Variants in THNSL1 observed in about 807,000 individuals in gnomAD.
The protein encoded by THNSL1 is threonine synthase like 1, also known as threonine synthase-like 1.
A neutral mutation model predicts 50.4 loss-of-function variants in THNSL1; 48 were observed. That is an observed-to-expected ratio of 0.95 (90% CI 0.76 to 1.21). THNSL1 has a LOEUF of 1.21. Among genes scored for constraint, THNSL1 ranks in the 50% most tolerant of loss-of-function variants. THNSL1 has a pLI of 0.00. For synonymous variants in THNSL1, 309 were observed against 306.1 expected, an observed-to-expected ratio of 1.01 and a Z score of -0.10; for missense variants, 896 against 871.7, an observed-to-expected ratio of 1.03 and a Z score of -0.35.
At position 25,023,808 on chromosome 10, in the gene THNSL1, G is replaced by C. The variant is rs1453476310; in HGVS notation, c.585G>C (p.Lys195Asn). The C allele has an allele frequency of 6.2e-7, 1 of 1,614,208 alleles. No individual in the cohort carries two copies. The highest frequency in any genetic ancestry group is 8.5e-7 in the Non-Finnish European group (1 of 1,180,022). ...AATTTAGAAGACAGTATTATAAGAAGTGGTATGATGCTCGTGTTTTCTGTG... is the reference window on the plus strand; with the variant it reads ...AATTTAGAAGACAGTATTATAAGAACTGGTATGATGCTCGTGTTTTCTGTG... ...LLKFRRQYYKKWYDARVFCES... is the reference protein window; with the variant it reads ...LLKFRRQYYKNWYDARVFCES... The change falls in exon 3 of 3, where the codon AAG (lysine) becomes AAC (asparagine). Residue 195 changes from lysine (K) to asparagine (N), a missense_variant. Lys to Asn is a moderately conservative substitution (Grantham distance 94). Transcript: ENST00000376356.
the THNSL1 span, chr10:24,982,728 C>T: frequency 6.6e-6 from 1 of 152,156 alleles, no homozygotes; most frequent in African/African-American, 2.4e-5. Context: ...GTAGGGATCA[C>T]CTTTCCAGGA....
At chr10:24,952,886 T>C in the THNSL1 span, among the ~76,000 whole-genome samples, 1 of 151,642 alleles carries the variant, frequency 6.6e-6, no homozygotes, top group Non-Finnish European at 1.5e-5. The surrounding 1 kb of genome is among the most constrained non-coding windows in gnomAD (Gnocchi z 5.1). Flanking sequence ...CGCCGCCCCC[T>C]GCCGGATGGT....
rs937412462 is a variant in THNSL1, at chr10:25,024,411, T to A, written c.1188T>A (p.Asn396Lys). 1 of 1,613,920 alleles carries A rather than the reference T, an allele frequency of 6.2e-7. No individual in the cohort carries two copies. The highest frequency in any genetic ancestry group is 8.5e-7 in the Non-Finnish European group (1 of 1,180,012). The change falls in exon 3 of 3, where the codon AAT becomes AAA. Residue 396 changes from asparagine (N) to lysine (K), a missense_variant. Asn to Lys is a moderately conservative substitution (Grantham distance 94, BLOSUM62 0). Transcript: ENST00000376356. Reference protein sequence around the residue: ...VLNGFSRLNKNDKQRIAVVAF... With the variant: ...VLNGFSRLNKKDKQRIAVVAF... ...ATGGTTTTAGTCGTCTAAATAAGAATGATAAGCAAAGGATAGCTGTGGTTG... is the reference window on the plus strand; with the variant it reads ...ATGGTTTTAGTCGTCTAAATAAGAAAGATAAGCAAAGGATAGCTGTGGTTG...
In THNSL1 at chr10:25,025,206, T is replaced by G. The variant is rs746294581; in HGVS notation, c.1983T>G (p.Ile661Met). 1.2e-6 allele frequency: 2 copies of G among 1,614,208 alleles called. No individual in the cohort carries two copies. The highest frequency in any genetic ancestry group is 4.5e-5 in the East Asian group (2 of 44,878). The change falls in exon 3 of 3, where the codon ATT becomes ATG. Residue 661 changes from isoleucine to methionine, a missense_variant. Ile to Met is a conservative substitution (Grantham distance 10). Coordinates refer to ENST00000376356, the MANE Select transcript of THNSL1 (RefSeq NM_024838.5). ...TGCAAGACAAAACTTGCCCTGTGAT[T>G]ATCTCATCTACAGCCCATTACTCAA... ...DRVQDKTCPV[I>M]ISSTAHYSKF... is the part of the protein sequence containing the mutation.
upstream of THNSL1, chr10:25,015,724 G>T: frequency 2.6e-6 from 2 of 767,406 alleles, no homozygotes; most frequent in Non-Finnish European, 3.7e-6. Flanking sequence ...TCTCTAACAA[G>T]TTATCCTCCA....
the THNSL1 span, among the ~76,000 whole-genome samples, chr10:25,007,795 A>G: frequency 6.6e-5 from 10 of 152,054 alleles, no homozygotes; most frequent in Non-Finnish European, 1.5e-4. Flanking sequence ...GTAAATGCAT[A>G]TGGAAGCCAC....
At chr10:24,994,213 TTTTC>T in the THNSL1 span, among the ~76,000 whole-genome samples, 1 of 152,130 alleles carries the variant, frequency 6.6e-6, no homozygotes, top group African/African-American at 2.4e-5. Context: ...TCTTTTCTTT[TTTTC>T]TTTATCTCTC....
chr10:24,999,111 A>C, the THNSL1 span, among the ~76,000 whole-genome samples: 1 of 152,250 alleles, frequency 6.6e-6, no homozygotes, highest in South Asian at 2.1e-4. Flanking sequence ...CTTTTCCTAT[A>C]ATTGTTGTTT....
At chr10:24,954,220 C>T in the THNSL1 span, among the ~76,000 whole-genome samples, 1 of 152,136 alleles carries the variant, frequency 6.6e-6, no homozygotes, top group African/African-American at 2.4e-5. Flanking sequence ...GTTCACAAGA[C>T]TCTCCTGGGG....
the THNSL1 span, among the ~76,000 whole-genome samples, chr10:24,993,876 TG>T: frequency 6.6e-6 from 1 of 152,148 alleles, no homozygotes; most frequent in Non-Finnish European, 1.5e-5. Context: ...GGTGGTGGCA[TG>T]ACCAGTAAAG....
chr10:24,965,696 GT>G, the THNSL1 span, among the ~76,000 whole-genome samples: 1 of 152,162 alleles, frequency 6.6e-6, no homozygotes, highest in Non-Finnish European at 1.5e-5. Context: ...AGCAGCTCTA[GT>G]TATTGAAAAG....
At chr10:25,014,434 A>C (rs184886670), upstream of THNSL1, among the ~76,000 whole-genome samples, 1 of 152,332 alleles carries the variant, frequency 6.6e-6, no homozygotes, top group Admixed American at 6.5e-5. Context: ...CACCAAGAAC[A>C]GATATACTAG....
chr10:24,957,604 C>A, the THNSL1 span, among the ~76,000 whole-genome samples: 5 of 152,160 alleles, frequency 3.3e-5, no homozygotes, highest in Non-Finnish European at 7.3e-5. Flanking sequence ...CCTCAGCCTC[C>A]CAAGTAGCTG....
chr10:24,964,553 C>T, the THNSL1 span, among the ~76,000 whole-genome samples: 2 of 152,150 alleles, frequency 1.3e-5, no homozygotes, highest in African/African-American at 2.4e-5. Context: ...CAATCATTTC[C>T]ATTTTCTCTT....
the THNSL1 span, among the ~76,000 whole-genome samples, chr10:24,959,820 T>G: frequency 6.6e-6 from 1 of 152,220 alleles, no homozygotes; most frequent in South Asian, 2.1e-4. Context: ...AAAGATACAC[T>G]AAAAGGACTA....
intron 1 of THNSL1, among the ~76,000 whole-genome samples, chr10:25,020,276 A>ATATCTATATCTATAACTATATC (rs58705370): frequency 6.7e-6 from 1 of 149,428 alleles, no homozygotes; most frequent in Non-Finnish European, 1.5e-5. Context: ...ATCTATATCT[A>ATATCTATATCTATAACTATATC]TATATATCTA....
the THNSL1 span, among the ~76,000 whole-genome samples, chr10:24,996,551 C>CAA: frequency 6.6e-6 from 1 of 152,010 alleles, no homozygotes; most frequent in Non-Finnish European, 1.5e-5. Flanking sequence ...TGATCATTCC[C>CAA]ATTGATCTAT....
chr10:25,024,527 C>A lies in THNSL1; in HGVS notation c.1304C>A (p.Ser435Ter). Residue 435 changes from serine (S) to a stop codon, truncating the protein, a stop_gained, in exon 3 of 3, where the codon TCA becomes TAA. Coordinates refer to ENST00000376356, the MANE Select transcript of THNSL1 (RefSeq NM_024838.5). LOFTEE classifies it high-confidence loss of function. The part of the protein sequence containing the change: ...RENGWAVGVE[S>*]DFDFCQTAIK... ...AATGGATGGGCAGTGGGTGTTGAGT[C>A]AGATTTTGATTTTTGCCAGACAGCT... 1 of 1,614,086 alleles carries A rather than the reference C, an allele frequency of 6.2e-7. No homozygotes were observed. Among genetic ancestry groups the A allele is most frequent in the South Asian group, 1.1e-5 (1 of 91,054 alleles).
the THNSL1 span, among the ~76,000 whole-genome samples, chr10:24,967,224 G>A: frequency 2.4e-4 from 36 of 152,108 alleles, no homozygotes; most frequent in Non-Finnish European, 4.6e-4. Flanking sequence ...ATGTGTGTGC[G>A]TGCATGCACT....
Sources: gnomAD v4.1 joint callset for allele counts (sites outside exome capture counted in the v4.1 genomes callset) on GRCh38, gnomAD v4.1.1 for gene constraint, Gnocchi (gnomAD v3.1) non-coding constraint, MANE v1.5 for transcripts, NCBI Gene and HGNC (gene_info 2026-07-23, HGNC 2026-07-21) for gene names.